The following TAF4B variants were observed in gnomAD, a reference collection of about 807,000 sequenced individuals.
The protein encoded by TAF4B is TATA-box binding protein associated factor 4b.
TAF4B carries 38 observed loss-of-function variants against 86.4 expected under a neutral mutation model. That is an observed-to-expected ratio of 0.44 (90% CI 0.34 to 0.58). TAF4B has a LOEUF of 0.58. TAF4B is among the 20% of genes least tolerant of loss of function. The pLI is 0.02. For missense variants in TAF4B, 988 were observed against 1,027.6 expected (o/e 0.96, Z 0.53); for synonymous variants, 388 against 391.2 (o/e 0.99, Z 0.10).
At chr18:26,267,685 C>A (rs2056260081) in intron 3 of TAF4B, 62 bp downstream of exon 3, 5 of 1,157,242 alleles carry the variant, frequency 4.3e-6, no homozygotes, top group East Asian at 2.4e-5. Context: ...AATCATTTAG[C>A]TATCTCCTGT....
chr18:26,239,065 T>C (rs2055795117), intron 1 of TAF4B, among the ~76,000 whole-genome samples: 2 of 152,272 alleles, frequency 1.3e-5, no homozygotes, highest in African/African-American at 2.4e-5. Context: ...TGCGTGTGTC[T>C]TTATAGCAGC....
intron 14 of TAF4B, among the ~76,000 whole-genome samples, chr18:26,359,148 C>T (rs573363166): frequency 1.3e-5 from 2 of 152,178 alleles, no homozygotes; most frequent in South Asian, 2.1e-4. Context: ...TATTATTATG[C>T]CCTTAATATT....
chr18:26,377,517 G>A (rs1412224075), intron 14 of TAF4B, among the ~76,000 whole-genome samples: 3 of 152,136 alleles, frequency 2.0e-5, no homozygotes, highest in African/African-American at 7.2e-5. Context: ...GTTATGTTGT[G>A]TTTTGATTGC....
chr18:26,386,112 G>A (rs1473643453), intron 14 of TAF4B, among the ~76,000 whole-genome samples: 1 of 152,122 alleles, frequency 6.6e-6, no homozygotes, highest in Non-Finnish European at 1.5e-5. Context: ...ATTTCTGTTG[G>A]GTTACTGAAT....
intron 9 of TAF4B, among the ~76,000 whole-genome samples, chr18:26,308,924 A>G (rs1048465082): frequency 1.5e-4 from 23 of 151,150 alleles, no homozygotes; most frequent in African/African-American, 2.4e-4. Context: ...AACTGAGAAC[A>G]TGAATATAGG....
At chr18:26,346,264 A>G (rs1175615560) in intron 13 of TAF4B, among the ~76,000 whole-genome samples, 1 of 152,128 alleles carries the variant, frequency 6.6e-6, no homozygotes, top group Non-Finnish European at 1.5e-5. Context: ...TACACCAAGC[A>G]GAAAAAAGAA....
At chr18:26,313,579 A>AT (rs1272969703) in intron 9 of TAF4B, among the ~76,000 whole-genome samples, 2 of 151,474 alleles carry the variant, frequency 1.3e-5, no homozygotes, top group African/African-American at 4.8e-5. Flanking sequence ...ATGCCTTTTA[A>AT]TTTTGAGCTT....
Position 26,281,198 on chromosome 18 carries a change from A to G in TAF4B, c.883-773A>G, listed in dbSNP as rs1179230977. Among the ~76,000 whole-genome samples the G allele has an allele frequency of 3.3e-5, 5 of 152,122 alleles. No individual in the cohort carries two copies. In the East Asian group the frequency reaches 9.6e-4, roughly 29 times the overall value. On this transcript the variant is annotated intron_variant, in intron 5 of 14. Transcript: ENST00000269142. ...AACTACCTCCTAGATAACTGTGCTC[A>G]CTACCTGGGTGACGAGATCATCTGT...
intron 13 of TAF4B, among the ~76,000 whole-genome samples, chr18:26,352,392 T>C (rs2057252874): frequency 6.6e-6 from 1 of 151,788 alleles, no homozygotes; most frequent in South Asian, 2.1e-4. Flanking sequence ...GAAATTGGAA[T>C]AGGAAGAGCA....
intron 1 of TAF4B, among the ~76,000 whole-genome samples, chr18:26,250,141 T>C (rs1248908248): frequency 1.3e-5 from 2 of 151,936 alleles, no homozygotes; most frequent in East Asian, 3.9e-4. Flanking sequence ...GCTCAAGTGT[T>C]CCTTGCCTCA....
At chr18:26,372,667 G>C (rs980042593) in intron 14 of TAF4B, among the ~76,000 whole-genome samples, 4 of 151,944 alleles carry the variant, frequency 2.6e-5, no homozygotes, top group Non-Finnish European at 4.4e-5. Flanking sequence ...GATTGACCTG[G>C]TGATCAAAAA....
intron 3 of TAF4B, among the ~76,000 whole-genome samples, chr18:26,273,304 C>T (rs994671084): frequency 6.6e-6 from 1 of 151,818 alleles, no homozygotes; most frequent in Non-Finnish European, 1.5e-5. Flanking sequence ...TTCCAAAAAC[C>T]CTTTTGGTTT....
At chr18:26,306,209 G>T (rs1337821132) in intron 9 of TAF4B, among the ~76,000 whole-genome samples, 1 of 152,052 alleles carries the variant, frequency 6.6e-6, no homozygotes, top group Non-Finnish European at 1.5e-5. Context: ...GGGTACATAG[G>T]CGTATATTTA....
chr18:26,351,178 T>C (rs771347060), intron 13 of TAF4B, among the ~76,000 whole-genome samples: 21 of 152,172 alleles, frequency 1.4e-4, no homozygotes, highest in Non-Finnish European at 2.5e-4. Flanking sequence ...TGGAATACTA[T>C]ACAGCCATAA....
intron 13 of TAF4B, among the ~76,000 whole-genome samples, chr18:26,356,908 C>T (rs1186090466): frequency 6.7e-6 from 1 of 150,260 alleles, no homozygotes; most frequent in Non-Finnish European, 1.5e-5. Context: ...TATAGTTTTG[C>T]CCACATAAAA....
intron 14 of TAF4B, among the ~76,000 whole-genome samples, chr18:26,366,004 T>G (rs1192269233): frequency 3.9e-5 from 6 of 152,132 alleles, no homozygotes; most frequent in African/African-American, 1.4e-4. Flanking sequence ...TTACCCAGAT[T>G]GGTCTCAAAT....
intron 1 of TAF4B, among the ~76,000 whole-genome samples, chr18:26,236,934 G>C (rs1337377390): frequency 6.6e-6 from 1 of 152,154 alleles, no homozygotes; most frequent in Non-Finnish European, 1.5e-5. Flanking sequence ...GGGTGACAGG[G>C]GAGTATATTT....
intron 5 of TAF4B, among the ~76,000 whole-genome samples, chr18:26,281,284 C>G (rs1008778703): frequency 6.6e-6 from 1 of 151,760 alleles, no homozygotes; most frequent in Non-Finnish European, 1.5e-5. Flanking sequence ...TTTTTTTAAT[C>G]TAAGATCATA....
intron 11 of TAF4B, among the ~76,000 whole-genome samples, chr18:26,321,866 T>C (rs1468178519): frequency 6.6e-6 from 1 of 152,134 alleles, no homozygotes. Flanking sequence ...AATGATTGCA[T>C]TGAGTGCTCA....
Sources: gnomAD v4.1 joint callset for allele counts (sites outside exome capture counted in the v4.1 genomes callset) on GRCh38, gnomAD v4.1.1 for gene constraint, MANE v1.5 for transcripts, NCBI Gene and HGNC (gene_info 2026-07-23, HGNC 2026-07-21) for gene names.